The following PPP3CC variants were observed in gnomAD, a reference collection of about 807,000 sequenced individuals.
PPP3CC encodes protein phosphatase 3 catalytic subunit gamma, also known as serine/threonine-protein phosphatase 2B catalytic subunit gamma isoform.
PPP3CC carries 35 observed loss-of-function variants against 60.3 expected under a neutral mutation model. The ratio of observed to expected loss-of-function variants is 0.58; its 90% confidence interval spans 0.44 to 0.77. The LOEUF is 0.77. Among genes scored for constraint, PPP3CC ranks in the 30% least tolerant of loss-of-function variants. The probability of loss-of-function intolerance (pLI) is 0.00; values close to 1 mark genes in which losing one functional copy is unlikely to be tolerated. For missense variants in PPP3CC, 570 were observed against 628.9 expected, an observed-to-expected ratio of 0.91 and a Z score of 1.00; for synonymous variants, 206 against 224.3, an observed-to-expected ratio of 0.92 and a Z score of 0.73.
In PPP3CC at chr8:22,470,167, G is replaced by A. The variant is rs1418446969; in HGVS notation, c.50-4787G>A. 2.0e-5 allele frequency among the ~76,000 whole-genome samples: 3 copies of A among 151,292 alleles called. No individual in the cohort carries two copies. In the East Asian group the frequency reaches 5.8e-4, roughly 29 times the overall value. On this transcript the variant is annotated intron_variant, in intron 1 of 13. Coordinates refer to ENST00000240139, the MANE Select transcript of PPP3CC (RefSeq NM_005605.5). ...GGCAGAATCTCACTCTGTCACCCAG[G>A]CTAGAGTACAGTGGCTCAGTCATAG...
At chr8:22,514,013 A>C (rs1459959750) in intron 6 of PPP3CC, among the ~76,000 whole-genome samples, 1 of 152,190 alleles carries the variant, frequency 6.6e-6, no homozygotes, top group Non-Finnish European at 1.5e-5. Context: ...TGGGGTGCCT[A>C]GGCGGGCGGA....
intron 3 of PPP3CC, among the ~76,000 whole-genome samples, chr8:22,495,349 T>C (rs1838536472): frequency 6.6e-6 from 1 of 152,194 alleles, no homozygotes; most frequent in Admixed American, 6.5e-5. Flanking sequence ...GAGTGCATCA[T>C]AGCTTAGCGT....
chr8:22,475,779 A>G (rs1837870180), intron 3 of PPP3CC, 155 bp downstream of exon 3: 3 of 745,738 alleles, frequency 4.0e-6, no homozygotes, highest in Non-Finnish European at 6.0e-6. Context: ...TTTAATTGAT[A>G]GAACAGTTAT....
Position 22,441,340 on chromosome 8 carries a change from A to G in PPP3CC, c.-70A>G. ...TCCGGGCAGCTAAGGCTGCCCGAGG[A>G]GAAGGCGGCGGCCGCGGCGTAGGCG... On this transcript the variant is annotated 5_prime_UTR_variant, in exon 1 of 14. Transcript: ENST00000240139. 1.4e-6 allele frequency: 2 copies of G among 1,466,864 alleles called. No homozygotes were observed. The highest frequency in any genetic ancestry group is 1.3e-5 in the South Asian group (1 of 78,992). The allele number at this position is 1,466,864 out of a possible 1,614,324, so 90.9% of individuals were successfully genotyped here. A position where few individuals can be genotyped will look rare whatever the true frequency, so the allele number is the denominator to read the frequency against.
intron 3 of PPP3CC, among the ~76,000 whole-genome samples, chr8:22,484,592 T>C (rs929555583): frequency 6.6e-6 from 1 of 152,338 alleles, no homozygotes; most frequent in Admixed American, 6.5e-5. Flanking sequence ...ACCAATAAAC[T>C]GGATTCGACA....
At chr8:22,447,492 A>AT (rs1338682370) in intron 1 of PPP3CC, among the ~76,000 whole-genome samples, 6 of 151,054 alleles carry the variant, frequency 4.0e-5, no homozygotes, top group Non-Finnish European at 8.8e-5. Context: ...TAATTTTGGT[A>AT]TTTTTTATAG....
intron 1 of PPP3CC, among the ~76,000 whole-genome samples, chr8:22,465,115 A>G (rs1329473614): frequency 6.6e-6 from 1 of 151,494 alleles, no homozygotes; most frequent in South Asian, 2.1e-4. Flanking sequence ...GTGACACCAC[A>G]TTCGGCTAAT....
chr8:22,489,499 C>G (rs2941198), intron 3 of PPP3CC, among the ~76,000 whole-genome samples: 1 of 149,220 alleles, frequency 6.7e-6, no homozygotes. Flanking sequence ...GTGTTAGATT[C>G]TAGGGATCTA....
chr8:22,504,131 A>G (rs767348151), intron 4 of PPP3CC, among the ~76,000 whole-genome samples: 11 of 152,054 alleles, frequency 7.2e-5, no homozygotes, highest in Non-Finnish European at 1.5e-4. Context: ...TCCTTTCTTT[A>G]TGGAAAAGTA....
At chr8:22,505,024 A>ATTTTTTTTT in intron 4 of PPP3CC, among the ~76,000 whole-genome samples, 1 of 115,974 alleles carries the variant, frequency 8.6e-6, no homozygotes, top group Non-Finnish European at 1.7e-5. Flanking sequence ...CCACGAACCT[A>ATTTTTTTTT]TTTTTTTTTT....
At chr8:22,465,258 G>A (rs1469751011) in intron 1 of PPP3CC, among the ~76,000 whole-genome samples, 7 of 152,080 alleles carry the variant, frequency 4.6e-5, no homozygotes, top group African/African-American at 1.4e-4. Flanking sequence ...ACTGGGCCTG[G>A]CCTTAGACTC....
At chr8:22,513,488 A>C in intron 6 of PPP3CC, 56 bp downstream of exon 6, 1 of 1,497,854 alleles carries the variant, frequency 6.7e-7, no homozygotes, top group Non-Finnish European at 9.0e-7. Context: ...TCATTTTATC[A>C]GATGATTTTT....
At chr8:22,491,199 G>A (rs1838395465) in intron 3 of PPP3CC, among the ~76,000 whole-genome samples, 1 of 152,086 alleles carries the variant, frequency 6.6e-6, no homozygotes, top group South Asian at 2.1e-4. Context: ...GAACAAAATC[G>A]GATTGCCAGG....
intron 3 of PPP3CC, among the ~76,000 whole-genome samples, chr8:22,488,638 A>G (rs1838294198): frequency 6.6e-6 from 1 of 152,232 alleles, no homozygotes; most frequent in Non-Finnish European, 1.5e-5. Context: ...TGTATTTTCT[A>G]GTGAGAGGGA....
intron 1 of PPP3CC, among the ~76,000 whole-genome samples, chr8:22,443,727 A>G (rs896746751): frequency 2.0e-5 from 3 of 152,182 alleles, no homozygotes; most frequent in African/African-American, 4.8e-5. Flanking sequence ...TCTCCTATAT[A>G]AAAACTTCGG....
At chr8:22,536,566 G>C (rs1839849016) in intron 12 of PPP3CC, among the ~76,000 whole-genome samples, 1 of 152,202 alleles carries the variant, frequency 6.6e-6, no homozygotes, top group African/African-American at 2.4e-5. Context: ...GAATATGAGT[G>C]TTTTAATCAA....
chr8:22,475,769 TTTAA>T, intron 3 of PPP3CC, 145 bp downstream of exon 3: 1 of 813,350 alleles, frequency 1.2e-6, no homozygotes, highest in Non-Finnish European at 1.8e-6. Context: ...GTAGAAATGT[TTTAA>T]TTGATAGAAC....
At chr8:22,478,343 G>A (rs761707878) in intron 3 of PPP3CC, among the ~76,000 whole-genome samples, 37 of 151,258 alleles carry the variant, frequency 2.4e-4, no homozygotes, top group Non-Finnish European at 4.3e-4. Context: ...GTAGAGATGG[G>A]GTTTCACCAT....
At chr8:22,501,948 G>A (rs1271034907) in intron 4 of PPP3CC, among the ~76,000 whole-genome samples, 1 of 152,200 alleles carries the variant, frequency 6.6e-6, no homozygotes, top group African/African-American at 2.4e-5. Flanking sequence ...GATAGATTGA[G>A]CCTGGGTGTT....
Sources: allele counts gnomAD v4.1 joint callset (sites outside exome capture counted in the v4.1 genomes callset), GRCh38; gene constraint gnomAD v4.1.1; transcripts MANE v1.5; gene names NCBI Gene and HGNC (gene_info 2026-07-23, HGNC 2026-07-21).